LYPD4: variants seen among roughly 807,000 people sequenced by gnomAD.
LYPD4 encodes the protein LY6/PLAUR domain containing 4.
In LYPD4, 20 loss-of-function variants were observed where a neutral mutation model predicts 18.2. The observed-to-expected ratio is 1.10, with a 90% CI of 0.77 to 1.59. The LOEUF (loss-of-function observed/expected upper bound fraction) is 1.59. Among genes scored for constraint, LYPD4 ranks in the 40% most tolerant of loss-of-function variants. The pLI is 0.00. For synonymous variants in LYPD4, 111 were observed against 118.3 expected (o/e 0.94, Z 0.40); for missense variants, 278 against 300.3 (o/e 0.93, Z 0.55).
intron 1 of LYPD4, among the ~76,000 whole-genome samples, chr19:41,840,596 G>T (rs1375520249): frequency 6.6e-6 from 1 of 152,076 alleles, no homozygotes; most frequent in Non-Finnish European, 1.5e-5. Context: ...ACTTTGGGAG[G>T]CCGAGGCAGG....
chr19:41,837,118 G>A lies in LYPD4; in HGVS notation c.*25C>T, dbSNP rs2073389822. The A allele has an allele frequency of 1.9e-6, 3 of 1,613,194 alleles. No individual in the cohort carries two copies. Among genetic ancestry groups the A allele is most frequent in the Non-Finnish European group, 2.5e-6 (3 of 1,179,752 alleles). ...TTATTTGTTATGTGAAAGAGTCTGGGTGCTTGTCGGGTGCAGCTAGATGGT... is the reference window on the plus strand; with the variant it reads ...TTATTTGTTATGTGAAAGAGTCTGGATGCTTGTCGGGTGCAGCTAGATGGT... On this transcript the variant is annotated 3_prime_UTR_variant, in exon 5 of 5. Coordinates refer to ENST00000609812, the MANE Select transcript of LYPD4 (RefSeq NM_173506.7).
At position 41,838,871 on chromosome 19, in the gene LYPD4, A is replaced by G; in HGVS notation, c.211+10T>C. ...GCAAAACGAAATTGATCAAACTTAG[A>G]CTGCTTCACCTGTCTCAATGAACAC... is the stretch of plus-strand genomic sequence containing the variant. On this transcript the variant is annotated intron_variant, in intron 3 of 4. Coordinates refer to ENST00000609812, the MANE Select transcript of LYPD4 (RefSeq NM_173506.7). The G allele has an allele frequency of 6.2e-7, 1 of 1,613,482 alleles. No homozygotes were observed. Among genetic ancestry groups the G allele is most frequent in the Non-Finnish European group, 8.5e-7 (1 of 1,179,890 alleles).
At chr19:41,837,423 C>T (rs1459059724) in intron 4 of LYPD4, 78 bp from the exon 5 acceptor site, 8 of 1,489,192 alleles carry the variant, frequency 5.4e-6, no homozygotes, top group African/African-American at 1.4e-5. Context: ...CAGTGGCTCA[C>T]ACCTGTAATC....
chr19:41,839,443 T>G, intron 1 of LYPD4, 38 bp from the exon 2 acceptor site: 1 of 684,036 alleles, frequency 1.5e-6, no homozygotes, highest in South Asian at 1.8e-5. Flanking sequence ...TTCTAGGACA[T>G]AGGCTCCCTC....
intron 4 of LYPD4, among the ~76,000 whole-genome samples, chr19:41,837,566 T>A (rs902975487): frequency 6.6e-6 from 1 of 152,048 alleles, no homozygotes; most frequent in African/African-American, 2.4e-5. Flanking sequence ...TGGTGGCACA[T>A]GCCTATAATC....
downstream of LYPD4, chr19:41,836,987 C>T (rs2073385886): frequency 5.0e-6 from 7 of 1,406,574 alleles, no homozygotes; most frequent in East Asian, 7.6e-5. Flanking sequence ...CCAGGCTCCT[C>T]TTCCTGGGTC....
chr19:41,837,821 C>T, intron 4 of LYPD4, 114 bp downstream of exon 4: 1 of 1,146,028 alleles, frequency 8.7e-7, no homozygotes, highest in Non-Finnish European at 1.2e-6. Flanking sequence ...GTGCCCTGTC[C>T]CTTGCAACCC....
At chr19:41,842,292 G>T (rs1373009805) in intron 1 of LYPD4, among the ~76,000 whole-genome samples, 1 of 152,054 alleles carries the variant, frequency 6.6e-6, no homozygotes, top group Admixed American at 6.6e-5. Flanking sequence ...GCCTCCCAAA[G>T]TGCTGGGATT....
At chr19:41,839,485 C>A in intron 1 of LYPD4, 80 bp from the exon 2 acceptor site, 2 of 601,348 alleles carry the variant, frequency 3.3e-6, no homozygotes, top group East Asian at 5.6e-5. Context: ...TTCCCATCTC[C>A]ACTGTCTGCC....
intron 3 of LYPD4, among the ~76,000 whole-genome samples, 177 bp downstream of exon 3, chr19:41,838,704 G>C (rs1470730527): frequency 6.6e-6 from 1 of 151,364 alleles, no homozygotes; most frequent in African/African-American, 2.4e-5. Flanking sequence ...AGACCAGCCT[G>C]GGCAACATAG....
At chr19:41,842,764 CAAAAAAAAAAAAAA>C (rs782233081) in intron 1 of LYPD4, among the ~76,000 whole-genome samples, 97 of 49,800 alleles carry the variant, frequency 1.9e-3, no homozygotes, top group African/African-American at 9.8e-3. Flanking sequence ...TCCGTCTAAA[CAAAAAAAAAAAAAA>C]AAAAAAAAAA....
Position 41,838,251 on chromosome 19 carries a change from C to G in LYPD4, c.222G>C (p.Arg74Ser). 1 of 1,524,872 alleles carries G rather than the reference C, an allele frequency of 6.6e-7. No individual in the cohort carries two copies. Among genetic ancestry groups the G allele is most frequent in the Non-Finnish European group, 8.8e-7 (1 of 1,135,540 alleles). 94.5% of individuals were successfully genotyped at this position (1,524,872 alleles called of 1,614,324 possible). ...TGCAGCCTTTAAAGCCCACGACTCCCCTTGCAGTCCCTGAGGAGCAGAGGA... is the reference window on the plus strand; with the variant it reads ...TGCAGCCTTTAAAGCCCACGACTCCGCTTGCAGTCCCTGAGGAGCAGAGGA... ...TLVFIETGTA[R>S]GVVGFKGCSS... is the part of the protein sequence containing the mutation. The change falls in exon 4 of 5, where the codon AGG (arginine) becomes AGC (serine). Residue 74 changes from arginine (R) to serine (S), a missense_variant. Physicochemically the swap from Arg to Ser is moderately radical, Grantham distance 110. Coordinates refer to ENST00000609812, the MANE Select transcript of LYPD4 (RefSeq NM_173506.7).
At chr19:41,842,656 G>A (rs1475957984) in intron 1 of LYPD4, among the ~76,000 whole-genome samples, 2 of 150,282 alleles carry the variant, frequency 1.3e-5, no homozygotes, top group South Asian at 2.1e-4. Context: ...TACTCAAGAG[G>A]CTGTGGCAGC....
rs924348287 is a variant in LYPD4, at chr19:41,843,991, G to A, written c.-534C>T. 2.7e-5 allele frequency: 4 copies of A among 150,812 alleles called. No homozygotes were observed. Among genetic ancestry groups the A allele is most frequent in the African/African-American group, 9.8e-5 (4 of 40,898 alleles). 9.3% of individuals were successfully genotyped at this position (150,812 alleles called of 1,614,324 possible). A position where few individuals can be genotyped will look rare whatever the true frequency, so the allele number is the denominator to read the frequency against. On this transcript the variant is annotated 5_prime_UTR_variant, in exon 1 of 5. Transcript: ENST00000609812. Reference sequence around the variant, plus strand: ...CCCTACAAAAGACAAACAAATTGATGGAATGGAACCTTGCAGGGAGAGAGA... The same window carrying A: ...CCCTACAAAAGACAAACAAATTGATAGAATGGAACCTTGCAGGGAGAGAGA...
downstream of LYPD4, chr19:41,835,704 T>C (rs1290363496): frequency 1.4e-5 from 12 of 838,824 alleles, no homozygotes; most frequent in Non-Finnish European, 1.7e-5. Flanking sequence ...AGAACCTAGA[T>C]TGGTCATGGA....
downstream of LYPD4, chr19:41,835,708 T>C (rs2073363297): frequency 1.1e-6 from 1 of 871,036 alleles, no homozygotes; most frequent in Non-Finnish European, 1.4e-6. Flanking sequence ...CCTAGATTGG[T>C]CATGGAGGTC....
chr19:41,841,069 A>G (rs2073571876), intron 1 of LYPD4, among the ~76,000 whole-genome samples: 1 of 152,226 alleles, frequency 6.6e-6, no homozygotes, highest in Non-Finnish European at 1.5e-5. Flanking sequence ...GTAAACAACA[A>G]CAAACATTAT....
At position 41,837,220 on chromosome 19, in the gene LYPD4, T is replaced by C; in HGVS notation, c.664A>G (p.Ile222Val). The C allele has an allele frequency of 6.2e-7, 1 of 1,614,052 alleles. No homozygotes were observed. Among genetic ancestry groups the C allele is most frequent in the African/African-American group, 1.3e-5 (1 of 75,016 alleles). ...EVLNILEKSQ[I>V]VGAASSRQDP... ...TGCCTGGAGGATGCTGCACCAACAATCTGAGACTTCTCTAAGATGTTGAGG... is the reference window on the plus strand; with the variant it reads ...TGCCTGGAGGATGCTGCACCAACAACCTGAGACTTCTCTAAGATGTTGAGG... The change falls in exon 5 of 5, where the codon ATT (isoleucine) becomes GTT (valine). Residue 222 changes from isoleucine (I) to valine (V), a missense_variant. Transcript: ENST00000609812.
chr19:41,840,144 A>G (rs2073533248), intron 1 of LYPD4, among the ~76,000 whole-genome samples: 1 of 152,120 alleles, frequency 6.6e-6, no homozygotes, highest in Admixed American at 6.6e-5. Flanking sequence ...AGACACACAC[A>G]TACACACACA....
Sources: gnomAD v4.1 joint callset for allele counts (sites outside exome capture counted in the v4.1 genomes callset) on GRCh38, gnomAD v4.1.1 for gene constraint, MANE v1.5 for transcripts, NCBI Gene and HGNC (gene_info 2026-07-23, HGNC 2026-07-21) for gene names.